BACH2: variants seen among roughly 807,000 people sequenced by gnomAD.
BACH2 encodes BACH transcriptional regulator 2.
BACH2 carries 5 observed loss-of-function variants against 61.8 expected under a neutral mutation model. That is an observed-to-expected ratio of 0.08 (90% CI 0.04 to 0.17). BACH2 has a LOEUF of 0.17. Ranked by LOEUF, BACH2 falls within the 10% of genes least tolerant of loss-of-function variation. The probability of loss-of-function intolerance (pLI) is 1.00; values close to 1 mark genes in which losing one functional copy is unlikely to be tolerated. For missense variants in BACH2, 824 were observed against 1,091.1 expected (o/e 0.76, Z 3.45); for synonymous variants, 446 against 440.1 (o/e 1.01, Z -0.17).
At chr6:90,283,014 G>GTGAAT (rs1771904025) in intron 1 of BACH2, among the ~76,000 whole-genome samples, 1 of 152,096 alleles carries the variant, frequency 6.6e-6, no homozygotes, top group Non-Finnish European at 1.5e-5. Flanking sequence ...ATCCTTACAT[G>GTGAAT]GTATTGTCAG....
Position 89,928,265 on chromosome 6 carries a change from GAC to G in BACH2, c.*4141_*4142del, listed in dbSNP as rs1264135283. 6.6e-6 allele frequency: 1 copy of G among 152,318 alleles called. No individual in the cohort carries two copies. Among genetic ancestry groups the G allele is most frequent in the Non-Finnish European group, 1.5e-5 (1 of 68,028 alleles). 9.4% of individuals were successfully genotyped at this position (152,318 alleles called of 1,614,324 possible). A position where few individuals can be genotyped will look rare whatever the true frequency, so the allele number is the denominator to read the frequency against. On this transcript the variant is annotated 3_prime_UTR_variant, in exon 9 of 9. Transcript: ENST00000257749. ...TGAAGCAGTTTGAAGTCATTTCTAAGACAGCTCCTAGTTTAAATGGGGCATAA... is the reference window on the plus strand; with the variant it reads ...TGAAGCAGTTTGAAGTCATTTCTAAGAGCTCCTAGTTTAAATGGGGCATAA...
chr6:89,982,910 T>C (rs1010345305), intron 6 of BACH2, among the ~76,000 whole-genome samples: 1 of 152,172 alleles, frequency 6.6e-6, no homozygotes, highest in African/African-American at 2.4e-5. Flanking sequence ...TCCCCATTCC[T>C]GCAGAATGTT....
chr6:90,013,510 C>CTTTTT (rs35707698), intron 5 of BACH2, among the ~76,000 whole-genome samples: 3 of 117,440 alleles, frequency 2.6e-5, no homozygotes, highest in Admixed American at 8.7e-5. Context: ...TTTTCTTTTT[C>CTTTTT]TTTTTTTTTT....
At chr6:90,058,479 T>C (rs1167326968) in intron 5 of BACH2, among the ~76,000 whole-genome samples, 6 of 151,950 alleles carry the variant, frequency 3.9e-5, no homozygotes, top group African/African-American at 9.7e-5. Context: ...AAAGAGGATA[T>C]AAACAAATGG....
intron 4 of BACH2, among the ~76,000 whole-genome samples, chr6:90,162,019 TCTGAGCC>T (rs1430456649): frequency 1.3e-5 from 2 of 152,074 alleles, no homozygotes; most frequent in African/African-American, 4.8e-5. Context: ...GAGAAGCTTC[TCTGAGCC>T]CTGAGCCGGA....
chr6:90,020,927 G>A (rs1477395322), intron 5 of BACH2, among the ~76,000 whole-genome samples: 1 of 152,136 alleles, frequency 6.6e-6, no homozygotes, highest in Non-Finnish European at 1.5e-5. Context: ...ATTAGACAAC[G>A]TGTTAAAGTA....
intron 5 of BACH2, among the ~76,000 whole-genome samples, chr6:90,059,694 T>A (rs984043782): frequency 2.6e-5 from 4 of 152,076 alleles, no homozygotes; most frequent in African/African-American, 9.7e-5. Flanking sequence ...ATTGCAGCAC[T>A]ATTCACAATA....
chr6:90,190,012 C>T (rs1190572081), intron 4 of BACH2, among the ~76,000 whole-genome samples: 1 of 152,112 alleles, frequency 6.6e-6, no homozygotes, highest in African/African-American at 2.4e-5. Flanking sequence ...GGCATGATCT[C>T]GGCTCACTGC....
intron 6 of BACH2, among the ~76,000 whole-genome samples, chr6:89,996,263 C>T (rs752047552): frequency 1.3e-5 from 2 of 152,182 alleles, no homozygotes; most frequent in African/African-American, 2.4e-5. Flanking sequence ...AGTTCTTTAC[C>T]CAGGTGTAGA....
chr6:89,934,493 A>G (rs960094228), intron 8 of BACH2, among the ~76,000 whole-genome samples: 5 of 152,086 alleles, frequency 3.3e-5, no homozygotes, highest in African/African-American at 1.2e-4. Context: ...CCCTGTCTTT[A>G]CTAAAAATAC....
Position 90,103,029 on chromosome 6 carries a change from AT to A in BACH2, c.-161-13921del, listed in dbSNP as rs371386234. Among the ~76,000 whole-genome samples the A allele has an allele frequency of 4.5e-3, 96 of 21,162 alleles. 4 individuals carry two copies. Among genetic ancestry groups the A allele is most frequent in the Middle Eastern group, 0.045 (1 of 22 alleles). The allele number at this position is 21,162 out of a possible 152,430, so 13.9% of individuals were successfully genotyped here. On this transcript the variant is annotated intron_variant, in intron 4 of 8. Coordinates refer to ENST00000257749, the MANE Select transcript of BACH2 (RefSeq NM_021813.4). Reference sequence around the variant, plus strand: ...TACATATATATATATATATATATATATTTTTTTTTTTTTTTTTTTTTTACCA... The same window carrying A: ...TACATATATATATATATATATATATATTTTTTTTTTTTTTTTTTTTTACCA...
intron 5 of BACH2, among the ~76,000 whole-genome samples, chr6:90,062,499 C>A (rs975700958): frequency 1.3e-5 from 2 of 152,154 alleles, no homozygotes; most frequent in Admixed American, 1.3e-4. Flanking sequence ...ACCTCACTAT[C>A]CCTTGGGAAT....
At chr6:90,073,351 T>C (rs963002715) in intron 5 of BACH2, among the ~76,000 whole-genome samples, 5 of 152,254 alleles carry the variant, frequency 3.3e-5, no homozygotes, top group Non-Finnish European at 5.9e-5. Flanking sequence ...TAATTAAAGA[T>C]GACCTAACAC....
intron 4 of BACH2, among the ~76,000 whole-genome samples, chr6:90,112,147 T>C (rs1462547367): frequency 6.6e-6 from 1 of 152,216 alleles, no homozygotes; most frequent in Non-Finnish European, 1.5e-5. Flanking sequence ...TCTCTTTGTC[T>C]CTCCCCAAAC....
At chr6:90,211,871 G>A (rs1769366612) in intron 3 of BACH2, among the ~76,000 whole-genome samples, 1 of 152,134 alleles carries the variant, frequency 6.6e-6, no homozygotes, top group Non-Finnish European at 1.5e-5. Context: ...TAGACATAAC[G>A]TACCATGAGG....
At chr6:90,004,345 C>G (rs1188393725) in intron 6 of BACH2, among the ~76,000 whole-genome samples, 1 of 152,094 alleles carries the variant, frequency 6.6e-6, no homozygotes, top group African/African-American at 2.4e-5. Flanking sequence ...GAGCACAAAC[C>G]TGAAATCTAT....
At chr6:90,172,520 C>T (rs1445645900) in intron 4 of BACH2, among the ~76,000 whole-genome samples, 3 of 151,224 alleles carry the variant, frequency 2.0e-5, no homozygotes, top group Non-Finnish European at 2.9e-5. Flanking sequence ...AAAAGAAATG[C>T]CCACCCAGAC....
intron 4 of BACH2, among the ~76,000 whole-genome samples, chr6:90,125,062 CAA>C (rs1453927886): frequency 2.0e-5 from 3 of 151,676 alleles, no homozygotes; most frequent in Admixed American, 2.0e-4. Context: ...GTGAACTGTC[CAA>C]AGTTATTTTG....
chr6:90,296,037 C>T (rs1456410726), intron 1 of BACH2, among the ~76,000 whole-genome samples: 2 of 152,066 alleles, frequency 1.3e-5, no homozygotes, highest in Non-Finnish European at 2.9e-5. Context: ...GGCTGGGGGC[C>T]GGGACACCCG....
Sources: gnomAD v4.1 joint callset for allele counts (sites outside exome capture counted in the v4.1 genomes callset) on GRCh38, gnomAD v4.1.1 for gene constraint, MANE v1.5 for transcripts, NCBI Gene and HGNC (gene_info 2026-07-23, HGNC 2026-07-21) for gene names.